The following LONRF2 variants were observed in gnomAD, a reference collection of about 807,000 sequenced individuals.
The protein encoded by LONRF2 is LON peptidase N-terminal domain and ring finger 2.
LONRF2 carries 35 observed loss-of-function variants against 66.6 expected under a neutral mutation model. The observed-to-expected ratio is 0.53, with a 90% CI of 0.40 to 0.70. LONRF2 has a LOEUF of 0.70. LONRF2 is among the 30% of genes least tolerant of loss of function. LONRF2 has a pLI of 0.00. For synonymous variants in LONRF2, 417 were observed against 418.1 expected (o/e 1.00, Z 0.03); for missense variants, 902 against 1,002.1 (o/e 0.90, Z 1.35).
intron 1 of LONRF2, among the ~76,000 whole-genome samples, chr2:100,314,297 G>A (rs1675462739): frequency 6.6e-6 from 1 of 152,072 alleles, no homozygotes; most frequent in Non-Finnish European, 1.5e-5. Context: ...TACTCTGGTG[G>A]GGATGTACTA....
chr2:100,302,264 C>T (rs760743625), intron 3 of LONRF2, among the ~76,000 whole-genome samples: 15 of 152,170 alleles, frequency 9.9e-5, no homozygotes, highest in African/African-American at 3.6e-4. Context: ...AAACATCTAA[C>T]GTGGTTTGAA....
intron 8 of LONRF2, among the ~76,000 whole-genome samples, chr2:100,295,176 T>A (rs1038240480): frequency 3.9e-5 from 6 of 152,070 alleles, no homozygotes; most frequent in Non-Finnish European, 8.8e-5. Flanking sequence ...TCCTGAAAAA[T>A]TCAGTATCAC....
Position 100,294,321 on chromosome 2 carries a change from G to A in LONRF2, c.1665C>T (p.His555=), listed in dbSNP as rs759509727. The change falls in exon 9 of 12, where the codon CAC becomes CAT. Residue 555 remains histidine, a synonymous_variant. Transcript: ENST00000393437. The stretch of plus-strand genomic sequence containing the variant: ...TAAGCCGATAGCGGGGCTCAAAAAC[G>A]TGGAGTGGACATGGGACCGTGGGGA... ...MAFPTVPCPL[H]VFEPRYRLMI... is the part of the protein sequence containing the mutation. 1.6e-5 allele frequency: 25 copies of A among 1,609,682 alleles called. No individual in the cohort carries two copies. Among genetic ancestry groups the A allele is most frequent in the Admixed American group, 3.4e-5 (2 of 58,956 alleles).
In LONRF2 at chr2:100,274,595, A is replaced by G. The variant is rs1434112912; in HGVS notation, c.*9703T>C. 1.3e-5 allele frequency: 2 copies of G among 152,072 alleles called. No homozygotes were observed. Among genetic ancestry groups the G allele is most frequent in the Non-Finnish European group, 2.9e-5 (2 of 68,010 alleles). The allele number at this position is 152,072 out of a possible 1,614,324, so 9.4% of individuals were successfully genotyped here. On this transcript the variant is annotated 3_prime_UTR_variant, in exon 12 of 12. Transcript: ENST00000393437. Reference sequence around the variant, plus strand: ...GGAGTGCACCTTTGCACACTAACCAACTCAGAGTCCATCTCCTCGATTTGA... The same window carrying G: ...GGAGTGCACCTTTGCACACTAACCAGCTCAGAGTCCATCTCCTCGATTTGA...
intron 7 of LONRF2, among the ~76,000 whole-genome samples, chr2:100,297,129 T>C (rs1334384660): frequency 1.3e-5 from 1 of 75,858 alleles, no homozygotes; most frequent in Admixed American, 1.9e-4. Flanking sequence ...GCTTCTATTC[T>C]TTTTTTTTTT....
Position 100,278,223 on chromosome 2 carries a change from C to T in LONRF2, c.*6075G>A, listed in dbSNP as rs1674638847. The T allele has an allele frequency of 6.6e-6, 1 of 152,138 alleles. No individual in the cohort carries two copies. The highest frequency in any genetic ancestry group is 1.5e-5 in the Non-Finnish European group (1 of 68,030). 9.4% of individuals were successfully genotyped at this position (152,138 alleles called of 1,614,324 possible). On this transcript the variant is annotated 3_prime_UTR_variant, in exon 12 of 12. Transcript: ENST00000393437. ...CACACCTCACACAAACTTTAAAAAA[C>T]ATTACCATAGTCCCCTTTAAACATA...
rs1674608288 is a variant in LONRF2 at position 100,276,690 on chromosome 2, G to A, written c.*7608C>T. 1 of 151,918 alleles carries A rather than the reference G, an allele frequency of 6.6e-6. No homozygotes were observed. Among genetic ancestry groups the A allele is most frequent in the African/African-American group, 2.4e-5 (1 of 41,346 alleles). The allele number at this position is 151,918 out of a possible 1,614,324, so 9.4% of individuals were successfully genotyped here. A position where few individuals can be genotyped will look rare whatever the true frequency, so the allele number is the denominator to read the frequency against. ...GGTGGATTACTACAACCTTATTGCT[G>A]CAGTCCCATCCATTACCCAATTTCC... is the stretch of plus-strand genomic sequence containing the variant. On this transcript the variant is annotated 3_prime_UTR_variant, in exon 12 of 12. Coordinates refer to ENST00000393437, the MANE Select transcript of LONRF2 (RefSeq NM_198461.4).
Position 100,312,661 on chromosome 2 carries a change from G to T in LONRF2, c.680-3436C>A, listed in dbSNP as rs375137731. 8.3e-4 allele frequency among the ~76,000 whole-genome samples: 126 copies of T among 152,274 alleles called. 1 individual carries two copies. The South Asian group carries it at 0.023, about 28-fold the overall frequency. ...CATCTACACTTGATCTTAGCCAAAA[G>T]GCCAAGAAACAATCACTTCTCATCT... On this transcript the variant is annotated intron_variant, in intron 1 of 11. Coordinates refer to ENST00000393437, the MANE Select transcript of LONRF2 (RefSeq NM_198461.4).
intron 4 of LONRF2, 136 bp from the exon 5 acceptor site, chr2:100,300,054 C>T: frequency 1.7e-6 from 1 of 603,722 alleles, no homozygotes; most frequent in South Asian, 2.1e-5. Context: ...TAATTGGTTT[C>T]ATCTGTTAAT....
intron 10 of LONRF2, among the ~76,000 whole-genome samples, chr2:100,288,569 T>C (rs555862640): frequency 6.6e-6 from 1 of 152,336 alleles, no homozygotes; most frequent in South Asian, 2.1e-4. Flanking sequence ...AGTCTGACCA[T>C]CACCCAAAAC....
At position 100,302,672 on chromosome 2, in the gene LONRF2, T is replaced by A. The variant is rs375487053; in HGVS notation, c.921+249A>T. ...ACCTTGCCTAACATGTGTCTTTATG[T>A]CAACAGAATCGAGGCATGTTTACAC... is the stretch of plus-strand genomic sequence containing the variant. On this transcript the variant is annotated intron_variant, in intron 3 of 11. Coordinates refer to ENST00000393437, the MANE Select transcript of LONRF2 (RefSeq NM_198461.4). 4.6e-5 allele frequency among the ~76,000 whole-genome samples: 7 copies of A among 152,218 alleles called. No homozygotes were observed. In the East Asian group the frequency reaches 5.8e-4, roughly 13 times the overall value.
Position 100,281,192 on chromosome 2 carries a change from C to T in LONRF2, c.*3106G>A, listed in dbSNP as rs1372587623. The T allele has an allele frequency of 6.6e-6, 1 of 152,182 alleles. No individual in the cohort carries two copies. The highest frequency in any genetic ancestry group is 1.5e-5 in the Non-Finnish European group (1 of 68,040). The allele number at this position is 152,182 out of a possible 1,614,324, so 9.4% of individuals were successfully genotyped here. A position where few individuals can be genotyped will look rare whatever the true frequency, so the allele number is the denominator to read the frequency against. On this transcript the variant is annotated 3_prime_UTR_variant, in exon 12 of 12. Coordinates refer to ENST00000393437, the MANE Select transcript of LONRF2 (RefSeq NM_198461.4). Reference sequence around the variant, plus strand: ...TTATTCTACCATCCATAAACTTCAACTGTTCCTTGATGATTCAAATGTCCT... The same window carrying T: ...TTATTCTACCATCCATAAACTTCAATTGTTCCTTGATGATTCAAATGTCCT...
In LONRF2 at chr2:100,286,927, T is replaced by C; in HGVS notation, c.2057A>G (p.Glu686Gly). 6.2e-7 allele frequency: 1 copy of C among 1,613,744 alleles called. No homozygotes were observed. ...GGGAGGGCATACCTGAGGCTCAGGT[T>C]CTCTGTCTGGCATTACCCCAAAATG... is the stretch of plus-strand genomic sequence containing the variant. ...LSHFGVMPDR[E>G]PEPQSNPSGP... is the part of the protein sequence containing the mutation. Residue 686 changes from glutamate to glycine, a missense_variant, in exon 11 of 12, where the codon GAA (glutamate) becomes GGA (glycine). Physicochemically the swap from Glu to Gly is moderately conservative, Grantham distance 98. This residue lies in a region of LONRF2 where 317 missense variants were observed against 432.2 expected (regional missense o/e 0.73). Transcript: ENST00000393437.
At chr2:100,309,678 TC>T (rs1675370840) in intron 1 of LONRF2, among the ~76,000 whole-genome samples, 1 of 152,040 alleles carries the variant, frequency 6.6e-6, no homozygotes, top group African/African-American at 2.4e-5. Context: ...TAATTTTTTT[TC>T]TTTTTTTTTC....
intron 2 of LONRF2, among the ~76,000 whole-genome samples, chr2:100,303,331 A>C (rs1279302247): frequency 2.0e-5 from 3 of 152,200 alleles, no homozygotes. Flanking sequence ...AAAACTGGCT[A>C]TCCACTTTAA....
intron 1 of LONRF2, 106 bp downstream of exon 1, chr2:100,321,309 C>T: frequency 8.8e-6 from 9 of 1,023,366 alleles, no homozygotes; most frequent in Non-Finnish European, 1.2e-5. Flanking sequence ...TAAGCCTAGA[C>T]AAAGCTCTCG....
rs1336068389 is a variant in LONRF2 at position 100,294,270 on chromosome 2, G to A, written c.1716C>T (p.Gly572=). 1.2e-6 allele frequency: 2 copies of A among 1,607,296 alleles called. No individual in the cohort carries two copies. Among genetic ancestry groups the A allele is most frequent in the East Asian group, 2.2e-5 (1 of 44,582 alleles). The change falls in exon 9 of 12, where the codon GGC becomes GGT. Residue 572 remains glycine (G), a synonymous_variant. Coordinates refer to ENST00000393437, the MANE Select transcript of LONRF2 (RefSeq NM_198461.4). ...RLMIRRCMET[G]TKRFGMCLSA... ...ATAAACACATGCCAAACCGCTTGGT[G>A]CCAGTTTCCATGCATCTTCTTATCA...
rs902148469 is a variant in LONRF2, at chr2:100,275,310, T to C, written c.*8988A>G. On this transcript the variant is annotated 3_prime_UTR_variant, in exon 12 of 12. Transcript: ENST00000393437. ...TCTCAGGGCAATGACGGTAGCTCCC[T>C]CCACAAGGAGCAAGGAACGGCTTTC... 6.6e-6 allele frequency: 1 copy of C among 152,256 alleles called. No homozygotes were observed. Among genetic ancestry groups the C allele is most frequent in the Non-Finnish European group, 1.5e-5 (1 of 68,072 alleles). 9.4% of individuals were successfully genotyped at this position (152,256 alleles called of 1,614,324 possible). A position where few individuals can be genotyped will look rare whatever the true frequency, so the allele number is the denominator to read the frequency against.
Position 100,321,466 on chromosome 2 carries a change from G to A in LONRF2, c.628C>T (p.Gln210Ter). The A allele has an allele frequency of 6.6e-7, 1 of 1,505,558 alleles. No individual in the cohort carries two copies. Among genetic ancestry groups the A allele is most frequent in the Non-Finnish European group, 8.8e-7 (1 of 1,138,528 alleles). The allele number at this position is 1,505,558 out of a possible 1,614,324, so 93.3% of individuals were successfully genotyped here. ...AGCAGCGCGGCCTCCGGCTGCTGCT[G>A]GCGCTGCAGGCTCCGCGCCTGGCCT... ...LAGQARSLQR[Q>*]QQPEAALLRC... Residue 210 changes from glutamine to a stop codon, truncating the protein, a stop_gained, in exon 1 of 12, where the codon CAG (glutamine) becomes TAG (stop). Coordinates refer to ENST00000393437, the MANE Select transcript of LONRF2 (RefSeq NM_198461.4). LOFTEE classifies it high-confidence loss of function.
Sources: allele counts gnomAD v4.1 joint callset (sites outside exome capture counted in the v4.1 genomes callset), GRCh38; gene constraint gnomAD v4.1.1; regional missense constraint gnomAD v4.1.1; transcripts MANE v1.5; gene names NCBI Gene and HGNC (gene_info 2026-07-23, HGNC 2026-07-21).